Variants in EXT2 observed in about 807,000 individuals in gnomAD.
EXT2 encodes the protein exostosin glycosyltransferase 2.
Under a neutral mutation model 81.6 loss-of-function variants are expected in EXT2, and 53 were observed. The ratio of observed to expected loss-of-function variants is 0.65; its 90% CI spans 0.52 to 0.82. The LOEUF is 0.82. EXT2 is among the 40% of genes least tolerant of loss of function. The pLI is 0.00. For missense variants in EXT2, 774 were observed against 910.2 expected (o/e 0.85, Z 1.93); for synonymous variants, 320 against 340.0 (o/e 0.94, Z 0.65).
At chr11:44,177,463 C>T (rs1030524804) in intron 8 of EXT2, among the ~76,000 whole-genome samples, 6 of 152,198 alleles carry the variant, frequency 3.9e-5, no homozygotes, top group Admixed American at 3.9e-4. Context: ...GGACACCCTC[C>T]TCATTTTACT....
intron 7 of EXT2, among the ~76,000 whole-genome samples, chr11:44,162,575 CAA>C (rs746211630): frequency 1.1e-4 from 5 of 45,896 alleles, no homozygotes; most frequent in Non-Finnish European, 2.4e-4. Context: ...GACTCCATCT[CAA>C]AAAAAAAAAA....
chr11:44,109,321 C>T, intron 3 of EXT2, 38 bp downstream of exon 3: 1 of 1,521,902 alleles, frequency 6.6e-7, no homozygotes, highest in Non-Finnish European at 9.1e-7. Context: ...ATGATGGGTT[C>T]AAGATCATTT....
At chr11:44,140,751 T>G (rs10769019) in intron 7 of EXT2, among the ~76,000 whole-genome samples, 35,179 of 152,218 alleles carry the variant, frequency 0.23, 4,282 homozygotes, top group Non-Finnish European at 0.28. Flanking sequence ...TAACTAAAGC[T>G]TTTAGGAAGA....
At chr11:44,200,815 A>C (rs1226865205) in intron 9 of EXT2, among the ~76,000 whole-genome samples, 1 of 152,232 alleles carries the variant, frequency 6.6e-6, no homozygotes, top group Non-Finnish European at 1.5e-5. Flanking sequence ...ACTTGGGGTC[A>C]TCTTCAGTCA....
chr11:44,156,420 A>G (rs1565214999), intron 7 of EXT2, among the ~76,000 whole-genome samples: 1 of 151,774 alleles, frequency 6.6e-6, no homozygotes, highest in Non-Finnish European at 1.5e-5. Context: ...ATTCTTTCTT[A>G]TTCTGTTTTC....
chr11:44,237,902 T>TAAA lies in EXT2; in HGVS notation c.2018+1553_2018+1555dup, dbSNP rs374084527. ...AACATGGTGAAACCCCGTCTCTACT[T>TAAA]AAAAAAAAAAAAAAAAAAAAAAAAA... On this transcript the variant is annotated intron_variant, in intron 13 of 13. Coordinates refer to ENST00000533608, the MANE Select transcript of EXT2 (RefSeq NM_207122.2). Among the ~76,000 whole-genome samples, 23 of 56,370 alleles carry TAAA rather than the reference T, an allele frequency of 4.1e-4. 2 individuals are homozygous for TAAA. The highest frequency in any genetic ancestry group is 9.4e-4 in the African/African-American group (13 of 13,806). The allele number at this position is 56,370 out of a possible 152,430, so 37.0% of individuals were successfully genotyped here.
At position 44,206,821 on chromosome 11, in the gene EXT2, A is replaced by G. The variant is rs1170535092; in HGVS notation, c.1524A>G (p.Pro508=). Residue 508 remains proline (P), a synonymous_variant, in exon 10 of 14, where the codon CCA becomes CCG. Transcript: ENST00000533608. Reference sequence around the variant, plus strand: ...CTCTCTGGCCCAAAATCCGGGTTCCATTAAAAGTTGTGAGGACTGCTGAAA... The same window carrying G: ...CTCTCTGGCCCAAAATCCGGGTTCCGTTAAAAGTTGTGAGGACTGCTGAAA... ...EDSLWPKIRV[P]LKVVRTAENK... The G allele has an allele frequency of 4.5e-5, 72 of 1,614,058 alleles. No individual in the cohort carries two copies. The highest frequency in any genetic ancestry group is 6.0e-5 in the Non-Finnish European group (71 of 1,179,986).
At chr11:44,104,125 C>T (rs569904238) in intron 1 of EXT2, among the ~76,000 whole-genome samples, 4 of 151,848 alleles carry the variant, frequency 2.6e-5, no homozygotes, top group South Asian at 2.1e-4. Context: ...TTCCCTTAAC[C>T]TCAATTTTGT....
intron 13 of EXT2, 38 bp from the exon 14 acceptor site, chr11:44,244,111 C>A: frequency 6.2e-7 from 1 of 1,609,564 alleles, no homozygotes; most frequent in South Asian, 1.1e-5. Context: ...TCATTCTGCT[C>A]AAACCCCTCC....
chr11:44,104,147 G>A (rs72900094), intron 1 of EXT2, among the ~76,000 whole-genome samples: 3,402 of 152,018 alleles, frequency 0.022, 80 homozygotes, highest in Middle Eastern at 0.068. Flanking sequence ...ATACATAGAA[G>A]CTATTTTTCA....
At chr11:44,199,309 A>G (rs1022638805) in intron 9 of EXT2, among the ~76,000 whole-genome samples, 3 of 152,190 alleles carry the variant, frequency 2.0e-5, no homozygotes, top group African/African-American at 7.2e-5. Context: ...ATAAGGAACT[A>G]TGTAAAGAAG....
intron 1 of EXT2, among the ~76,000 whole-genome samples, chr11:44,102,191 A>G (rs559093447): frequency 5.3e-5 from 8 of 152,316 alleles, no homozygotes; most frequent in Non-Finnish European, 1.0e-4. Flanking sequence ...GAATAGCTGT[A>G]CAGCAAAGAA....
chr11:44,204,643 C>T (rs1387463391), intron 9 of EXT2, among the ~76,000 whole-genome samples: 1 of 152,200 alleles, frequency 6.6e-6, no homozygotes, highest in Non-Finnish European at 1.5e-5. Flanking sequence ...CGCCTCCTAT[C>T]AGATCAGTGG....
At chr11:44,129,706 G>A (rs893393908) in intron 6 of EXT2, among the ~76,000 whole-genome samples, 1 of 152,238 alleles carries the variant, frequency 6.6e-6, no homozygotes, top group African/African-American at 2.4e-5. Context: ...AGGTGGGTGG[G>A]ATTTCACATG....
rs1379609106 is a variant in EXT2 at position 44,107,668 on chromosome 11, C to T, written c.-30-15C>T. ...TAAATACTTGGTTTTTCTTATTTCT[C>T]TCCCTGGTGACCAGGAGTGTGAGGA... On this transcript the variant is annotated splice_polypyrimidine_tract_variant and intron_variant, in intron 1 of 13. Transcript: ENST00000533608. 1 of 1,595,338 alleles carries T rather than the reference C, an allele frequency of 6.3e-7. No individual in the cohort carries two copies. The highest frequency in any genetic ancestry group is 1.1e-5 in the South Asian group (1 of 88,990).
chr11:44,209,151 G>T (rs957727406), intron 10 of EXT2, among the ~76,000 whole-genome samples: 1 of 152,182 alleles, frequency 6.6e-6, no homozygotes, highest in African/African-American at 2.4e-5. Flanking sequence ...TGCATTGGAT[G>T]AAATTACATA....
chr11:44,171,631 G>A lies in EXT2; in HGVS notation c.1194G>A (p.Ala398=), dbSNP rs1011914306. ...TATAGGCCCGGTGGTTCTGGGAAGC[G>A]TACTTCCAGTCAATTAAAGCCATTG... ...MQRQARWFWE[A]YFQSIKAIAL... The change falls in exon 8 of 14, where the codon GCG becomes GCA. Residue 398 remains alanine, a synonymous_variant. Coordinates refer to ENST00000533608, the MANE Select transcript of EXT2 (RefSeq NM_207122.2). The A allele has an allele frequency of 3.5e-5, 57 of 1,613,922 alleles. No homozygotes were observed. Among genetic ancestry groups the A allele is most frequent in the African/African-American group, 9.3e-5 (7 of 74,876 alleles).
At chr11:44,182,236 C>G (rs1374716643) in intron 8 of EXT2, among the ~76,000 whole-genome samples, 1 of 152,058 alleles carries the variant, frequency 6.6e-6, no homozygotes, top group East Asian at 1.9e-4. Context: ...GAATATAAAC[C>G]TCCCTTCTCC....
chr11:44,126,039 T>G (rs904120062), intron 5 of EXT2, among the ~76,000 whole-genome samples: 27 of 152,218 alleles, frequency 1.8e-4, no homozygotes, highest in Non-Finnish European at 3.4e-4. Flanking sequence ...AGTTTTTGGT[T>G]TTTTTAAAAA....
Sources: allele counts gnomAD v4.1 joint callset (sites outside exome capture counted in the v4.1 genomes callset), GRCh38; gene constraint gnomAD v4.1.1; transcripts MANE v1.5; gene names NCBI Gene and HGNC (gene_info 2026-07-23, HGNC 2026-07-21).